PFDN1: variants seen among roughly 807,000 people sequenced by gnomAD.
The protein encoded by PFDN1 is prefoldin subunit 1.
PFDN1 carries 6 observed loss-of-function variants against 17.3 expected under a neutral mutation model. The observed-to-expected ratio is 0.35, with a 90% CI of 0.19 to 0.69. PFDN1 has a LOEUF of 0.69. PFDN1 is among the 30% of genes least tolerant of loss of function. PFDN1 has a pLI of 0.65. For missense variants in PFDN1, 113 were observed against 146.2 expected (o/e 0.77, Z 1.17); for synonymous variants, 58 against 50.1 (o/e 1.16, Z -0.67).
chr5:140,252,272 A>G (rs1444975860), intron 3 of PFDN1, among the ~76,000 whole-genome samples: 3 of 152,196 alleles, frequency 2.0e-5, no homozygotes, highest in African/African-American at 7.2e-5. Flanking sequence ...CTTTTATCTG[A>G]ATAAAAATAG....
chr5:140,264,872 AT>A (rs1010807942), intron 3 of PFDN1, among the ~76,000 whole-genome samples: 1 of 152,172 alleles, frequency 6.6e-6, no homozygotes, highest in Admixed American at 6.5e-5. Context: ...TTTAAAATTC[AT>A]TTTAAAGAGG....
chr5:140,278,357 G>A (rs752284271), intron 3 of PFDN1, among the ~76,000 whole-genome samples: 3 of 151,516 alleles, frequency 2.0e-5, no homozygotes, highest in Non-Finnish European at 4.4e-5. Context: ...CACAAGGTCA[G>A]GAGTTCGAGA....
rs1765111834 is a variant in PFDN1, at chr5:140,264,670, T to C, written c.285+16779A>G. The stretch of plus-strand genomic sequence containing the variant: ...TGGGCAACATAGGGAGACCCTGTCT[T>C]TACAAAAAAAAAAACACAGAATTAA... On this transcript the variant is annotated intron_variant, in intron 3 of 3. Transcript: ENST00000261813. Among the ~76,000 whole-genome samples, 9 of 151,030 alleles carry C rather than the reference T, an allele frequency of 6.0e-5. 1 individual carries two copies. In the South Asian group the frequency reaches 1.7e-3, roughly 28 times the overall value.
At chr5:140,279,504 GTT>G (rs879629117) in intron 3 of PFDN1, among the ~76,000 whole-genome samples, 1 of 145,086 alleles carries the variant, frequency 6.9e-6, no homozygotes. Context: ...GGGTTTTTGT[GTT>G]TTTTTTTTTC....
intron 3 of PFDN1, among the ~76,000 whole-genome samples, chr5:140,278,090 C>G (rs941690791): frequency 1.3e-5 from 2 of 151,692 alleles, no homozygotes; most frequent in African/African-American, 4.8e-5. Flanking sequence ...TGGCTGTAAT[C>G]CCAGCTACTC....
At chr5:140,258,140 T>C (rs1412869661) in intron 3 of PFDN1, among the ~76,000 whole-genome samples, 2 of 152,072 alleles carry the variant, frequency 1.3e-5, no homozygotes, top group Non-Finnish European at 2.9e-5. Context: ...CTGGAATTTA[T>C]CTTGAAGGCA....
chr5:140,280,706 AT>A (rs1365826346), intron 3 of PFDN1, among the ~76,000 whole-genome samples: 1 of 152,234 alleles, frequency 6.6e-6, no homozygotes, highest in Non-Finnish European at 1.5e-5. Flanking sequence ...AAGTCAATGT[AT>A]CCACCCACAT....
chr5:140,266,147 CAGGG>C (rs898320993), intron 3 of PFDN1, among the ~76,000 whole-genome samples: 4 of 152,146 alleles, frequency 2.6e-5, no homozygotes, highest in Non-Finnish European at 4.4e-5. Flanking sequence ...AGGAAGAAGA[CAGGG>C]AGGATTTGGG....
At chr5:140,297,527 C>T (rs1034313297) in intron 2 of PFDN1, among the ~76,000 whole-genome samples, 2 of 152,192 alleles carry the variant, frequency 1.3e-5, no homozygotes, top group Admixed American at 1.3e-4. Flanking sequence ...CGGTGAGATG[C>T]AGACAGCACT....
intron 3 of PFDN1, among the ~76,000 whole-genome samples, chr5:140,246,745 A>T (rs1764836391): frequency 6.6e-6 from 1 of 152,200 alleles, no homozygotes; most frequent in African/African-American, 2.4e-5. Flanking sequence ...CCAAGATTTC[A>T]AAGATTAGTC....
At chr5:140,276,310 A>C (rs1765292323) in intron 3 of PFDN1, among the ~76,000 whole-genome samples, 1 of 152,200 alleles carries the variant, frequency 6.6e-6, no homozygotes, top group Non-Finnish European at 1.5e-5. Context: ...GAACACAAGA[A>C]AGAAGCAGCT....
intron 3 of PFDN1, among the ~76,000 whole-genome samples, chr5:140,263,688 T>C (rs1445896380): frequency 6.6e-6 from 1 of 151,994 alleles, no homozygotes; most frequent in Non-Finnish European, 1.5e-5. Context: ...AGCACCAACA[T>C]CTGCTCAGTG....
Position 140,245,978 on chromosome 5 carries a change from T to C in PFDN1, c.365A>G (p.Gln122Arg), listed in dbSNP as rs1408905407. ...IREMLMARRAQ is the reference protein window; with the variant it reads ...IREMLMARRAR ...AGAGCTTCCCAGAGAGGCTCCCTAC[T>C]GGGCCCTTCGTGCCATCAGCATCTC... Residue 122 changes from glutamine (Q) to arginine (R), a missense_variant, in exon 4 of 4, where the codon CAG (glutamine) becomes CGG (arginine). Gln to Arg is a conservative substitution (Grantham distance 43, BLOSUM62 1). Transcript: ENST00000261813. 6.5e-7 allele frequency: 1 copy of C among 1,547,912 alleles called. No individual in the cohort carries two copies. The highest frequency in any genetic ancestry group is 8.8e-7 in the Non-Finnish European group (1 of 1,141,144).
intron 3 of PFDN1, among the ~76,000 whole-genome samples, chr5:140,275,789 A>G (rs750513876): frequency 1.3e-5 from 2 of 152,136 alleles, no homozygotes; most frequent in Non-Finnish European, 2.9e-5. Context: ...CCCTCCTGCC[A>G]TCTACACAAA....
intron 2 of PFDN1, among the ~76,000 whole-genome samples, chr5:140,292,224 G>A (rs1170015568): frequency 2.0e-5 from 3 of 152,042 alleles, no homozygotes; most frequent in African/African-American, 7.2e-5. Context: ...CTTTTTCCAA[G>A]ATATGATCTT....
chr5:140,299,276 A>C (rs946846543), intron 2 of PFDN1, among the ~76,000 whole-genome samples: 1 of 152,156 alleles, frequency 6.6e-6, no homozygotes, highest in African/African-American at 2.4e-5. Context: ...TTAAGTACCT[A>C]ATCATAGACA....
At chr5:140,298,824 G>A (rs1189975341) in intron 2 of PFDN1, among the ~76,000 whole-genome samples, 5 of 151,206 alleles carry the variant, frequency 3.3e-5, no homozygotes, top group African/African-American at 9.7e-5. Context: ...GCGCAATCTC[G>A]GCTCACTGCA....
chr5:140,253,067 T>C (rs1764937395), intron 3 of PFDN1, among the ~76,000 whole-genome samples: 1 of 152,180 alleles, frequency 6.6e-6, no homozygotes, highest in African/African-American at 2.4e-5. Context: ...CAAAGAAAGA[T>C]AAAGCAATCT....
chr5:140,252,931 C>T (rs1216774897), intron 3 of PFDN1, among the ~76,000 whole-genome samples: 1 of 152,190 alleles, frequency 6.6e-6, no homozygotes, highest in African/African-American at 2.4e-5. Flanking sequence ...AACCCCACAC[C>T]TGAGAGACAG....
Sources: gnomAD v4.1 joint callset for allele counts (sites outside exome capture counted in the v4.1 genomes callset) on GRCh38, gnomAD v4.1.1 for gene constraint, MANE v1.5 for transcripts, NCBI Gene and HGNC (gene_info 2026-07-23, HGNC 2026-07-21) for gene names.